The following ROBO1 variants were observed in gnomAD, a reference collection of about 807,000 sequenced individuals.
ROBO1 encodes the protein roundabout homolog 1.
ROBO1 carries 149 observed loss-of-function variants against 195.9 expected under a neutral mutation model. That is an observed-to-expected ratio of 0.76 (90% CI 0.67 to 0.87). The LOEUF (loss-of-function observed/expected upper bound fraction) is 0.87. Ranked by LOEUF, ROBO1 falls within the 40% of genes least tolerant of loss-of-function variation. ROBO1 has a pLI of 0.00. For synonymous variants in ROBO1, 816 were observed against 733.2 expected (o/e 1.11, Z -1.82); for missense variants, 1,933 against 2,068.3 (o/e 0.93, Z 1.27).
chr3:79,291,189 A>T (rs967883212), intron 2 of ROBO1, among the ~76,000 whole-genome samples: 1 of 152,154 alleles, frequency 6.6e-6, no homozygotes, highest in African/African-American at 2.4e-5. Context: ...TCAAAATTTG[A>T]TTTAATCACA....
intron 2 of ROBO1, among the ~76,000 whole-genome samples, chr3:79,302,848 T>A (rs918439769): frequency 9.2e-5 from 14 of 152,252 alleles, no homozygotes; most frequent in African/African-American, 3.1e-4. Context: ...GTACAGTTAA[T>A]TAAGTGTGGT....
chr3:78,668,314 G>A lies in ROBO1; in HGVS notation c.1631-12C>T, dbSNP rs756265483. ...TGGAACTCCAAATTCTAAAAAGCAG[G>A]AAAAAGGCCAAAATAAAAGATGTTT... On this transcript the variant is annotated splice_polypyrimidine_tract_variant and intron_variant, in intron 12 of 30. Coordinates refer to ENST00000464233, the MANE Select transcript of ROBO1 (RefSeq NM_002941.4). 9 of 1,610,958 alleles carry A rather than the reference G, an allele frequency of 5.6e-6. No individual in the cohort carries two copies. The highest frequency in any genetic ancestry group is 7.6e-6 in the Non-Finnish European group (9 of 1,178,764).
At chr3:79,214,067 C>T (rs2082012640) in intron 2 of ROBO1, among the ~76,000 whole-genome samples, 1 of 151,908 alleles carries the variant, frequency 6.6e-6, no homozygotes, top group African/African-American at 2.4e-5. Context: ...CTCAAGTGAT[C>T]CACCTGCCAA....
intron 2 of ROBO1, among the ~76,000 whole-genome samples, chr3:79,191,761 T>A (rs2081544499): frequency 6.6e-6 from 1 of 151,324 alleles, no homozygotes; most frequent in South Asian, 2.1e-4. Context: ...GTACTTTAAT[T>A]TTTCTAAAAA....
chr3:79,574,566 G>A (rs1943387066), intron 2 of ROBO1, among the ~76,000 whole-genome samples: 1 of 151,810 alleles, frequency 6.6e-6, no homozygotes, highest in Non-Finnish European at 1.5e-5. Context: ...CGCTTACCAA[G>A]TATTATTGTA....
At chr3:79,387,740 ACT>A (rs1428998686) in intron 2 of ROBO1, among the ~76,000 whole-genome samples, 1 of 152,104 alleles carries the variant, frequency 6.6e-6, no homozygotes, top group East Asian at 1.9e-4. Context: ...GTTGTTAAAG[ACT>A]CTGTCTAGAA....
At chr3:79,715,119 G>A (rs1244254523) in intron 1 of ROBO1, among the ~76,000 whole-genome samples, 1 of 152,062 alleles carries the variant, frequency 6.6e-6, no homozygotes, top group East Asian at 1.9e-4. Flanking sequence ...ATGGTTTCTG[G>A]AGATGGAATG....
chr3:79,548,402 ATAAT>A (rs1256753076), intron 2 of ROBO1, among the ~76,000 whole-genome samples: 1 of 152,222 alleles, frequency 6.6e-6, no homozygotes, highest in Non-Finnish European at 1.5e-5. Flanking sequence ...GAATGCATAA[ATAAT>A]TGTTTGTGAA....
intron 2 of ROBO1, among the ~76,000 whole-genome samples, chr3:79,428,327 T>C (rs554000310): frequency 6.7e-6 from 1 of 150,022 alleles, no homozygotes; most frequent in Admixed American, 6.6e-5. Flanking sequence ...ATAAATAAAA[T>C]GGAGATTCTA....
At chr3:79,233,266 C>A (rs772323179) in intron 2 of ROBO1, among the ~76,000 whole-genome samples, 1 of 151,904 alleles carries the variant, frequency 6.6e-6, no homozygotes, top group Non-Finnish European at 1.5e-5. Context: ...CCAAATGGGA[C>A]TTTATTTCTA....
chr3:79,176,699 C>T (rs532864721), intron 2 of ROBO1, among the ~76,000 whole-genome samples: 7 of 152,136 alleles, frequency 4.6e-5, no homozygotes, highest in African/African-American at 1.7e-4. Flanking sequence ...CTCAAGTGAT[C>T]TGCCCCCAGC....
intron 29 of ROBO1, among the ~76,000 whole-genome samples, chr3:78,601,136 T>TAAC (rs373654305): frequency 2.8e-4 from 43 of 152,156 alleles, no homozygotes; most frequent in African/African-American, 9.9e-4. Flanking sequence ...CATAAATACC[T>TAAC]AACTCTTTGG....
Position 78,600,242 on chromosome 3 carries a change from T to C in ROBO1, c.4812A>G (p.Ser1604=). ...TSNNPRDPSS[S]SSMSSRGSGS... The stretch of plus-strand genomic sequence containing the variant: ...CTGATCCTCTTGATGACATTGAGCT[T>C]GAGGAACTGGGATCTCTGGGATTAT... The change falls in exon 30 of 31, where the codon TCA becomes TCG. Residue 1604 remains serine (S), a synonymous_variant. Transcript: ENST00000464233. The C allele has an allele frequency of 6.2e-7, 1 of 1,613,390 alleles. No homozygotes were observed. Among genetic ancestry groups the C allele is most frequent in the Non-Finnish European group, 8.5e-7 (1 of 1,179,406 alleles).
intron 1 of ROBO1, among the ~76,000 whole-genome samples, chr3:79,659,676 C>T (rs182610784): frequency 4.3e-4 from 66 of 151,780 alleles, no homozygotes; most frequent in African/African-American, 1.6e-3. Context: ...CACTATTGTT[C>T]GGTAATTGGA....
intron 2 of ROBO1, among the ~76,000 whole-genome samples, chr3:79,366,821 A>G (rs1460616469): frequency 1.3e-5 from 2 of 152,174 alleles, no homozygotes; most frequent in African/African-American, 2.4e-5. Flanking sequence ...TTCAGTTCAT[A>G]TTAGATTCCT....
rs541363322 is a variant in ROBO1, at chr3:79,126,704, G to A, written c.89-1165C>T. 1.6e-4 allele frequency among the ~76,000 whole-genome samples: 25 copies of A among 152,240 alleles called. No individual in the cohort carries two copies. The South Asian group carries it at 2.7e-3, about 16-fold the overall frequency. ...TTCTTGTTCTGAGCAGTGAAGAAGC[G>A]CAGATGTTTACTTGGGGAACAGTGT... is the stretch of plus-strand genomic sequence containing the variant. On this transcript the variant is annotated intron_variant, in intron 2 of 30. Transcript: ENST00000464233.
At chr3:79,568,682 G>T (rs2107737431) in intron 2 of ROBO1, among the ~76,000 whole-genome samples, 1 of 151,616 alleles carries the variant, frequency 6.6e-6, no homozygotes, top group Non-Finnish European at 1.5e-5. Flanking sequence ...GAAAAACAGT[G>T]TTAGAATTCA....
intron 1 of ROBO1, among the ~76,000 whole-genome samples, chr3:79,760,496 C>A (rs1378852701): frequency 5.6e-5 from 4 of 71,520 alleles, no homozygotes; most frequent in South Asian, 5.2e-4. Flanking sequence ...CAATGCAATA[C>A]CAAAAAAAAA....
chr3:78,726,786 A>G (rs531955414), intron 5 of ROBO1, among the ~76,000 whole-genome samples: 1 of 152,188 alleles, frequency 6.6e-6, no homozygotes, highest in Non-Finnish European at 1.5e-5. Context: ...AATCAGCTGC[A>G]GTACAGTTTT....
Sources: gnomAD v4.1 joint callset for allele counts (sites outside exome capture counted in the v4.1 genomes callset) on GRCh38, gnomAD v4.1.1 for gene constraint, MANE v1.5 for transcripts, NCBI Gene and HGNC (gene_info 2026-07-23, HGNC 2026-07-21) for gene names.